The following TENM3 variants were observed in gnomAD, a reference collection of about 807,000 sequenced individuals.
TENM3 encodes teneurin transmembrane protein 3.
In TENM3, 63 loss-of-function variants were observed where a neutral mutation model predicts 255.1. The ratio of observed to expected loss-of-function variants is 0.25; its 90% CI spans 0.20 to 0.30. The LOEUF (loss-of-function observed/expected upper bound fraction) is 0.30. Among genes scored for constraint, TENM3 ranks in the 10% least tolerant of loss-of-function variants. TENM3 has a pLI of 1.00. For missense variants in TENM3, 2,929 were observed against 3,461.1 expected, an observed-to-expected ratio of 0.85 and a Z score of 3.86; for synonymous variants, 1,306 against 1,322.3, an observed-to-expected ratio of 0.99 and a Z score of 0.27.
At chr4:181,671,283 A>T in the TENM3 span, among the ~76,000 whole-genome samples, 1 of 152,300 alleles carries the variant, frequency 6.6e-6, no homozygotes, top group African/African-American at 2.4e-5. Context: ...CCATATATTA[A>T]ATACACATAA....
chr4:181,996,033 C>A, the TENM3 span, among the ~76,000 whole-genome samples: 1 of 151,940 alleles, frequency 6.6e-6, no homozygotes, highest in African/African-American at 2.4e-5. Context: ...AACTCAATAA[C>A]CCAGAGAAGA....
chr4:182,732,440 A>G (rs1376877737), intron 16 of TENM3, among the ~76,000 whole-genome samples: 1 of 152,224 alleles, frequency 6.6e-6, no homozygotes, highest in African/African-American at 2.4e-5. Flanking sequence ...CATTCGTTTC[A>G]TCTACTGAAA....
chr4:181,487,246 G>A, the TENM3 span, among the ~76,000 whole-genome samples: 1 of 152,238 alleles, frequency 6.6e-6, no homozygotes, highest in Non-Finnish European at 1.5e-5. Context: ...TAGATTGGCT[G>A]GTGGTTGGTT....
At chr4:181,614,767 A>T in the TENM3 span, among the ~76,000 whole-genome samples, 2 of 152,236 alleles carry the variant, frequency 1.3e-5, no homozygotes, top group Admixed American at 1.3e-4. Context: ...CCAGCTTTCT[A>T]GATGTCTGCA....
intron 13 of TENM3, among the ~76,000 whole-genome samples, chr4:182,714,621 T>A (rs1351761869): frequency 6.6e-6 from 1 of 152,220 alleles, no homozygotes; most frequent in Non-Finnish European, 1.5e-5. Flanking sequence ...CAGCCTCTTC[T>A]GTTGAAAGGC....
intron 22 of TENM3, among the ~76,000 whole-genome samples, chr4:182,764,830 A>G (rs529186159): frequency 1.3e-5 from 2 of 152,310 alleles, no homozygotes; most frequent in Admixed American, 6.5e-5. Flanking sequence ...GGAGTTTAAC[A>G]GGGACAGCAA....
chr4:182,067,619 T>G, the TENM3 span, among the ~76,000 whole-genome samples: 1 of 152,270 alleles, frequency 6.6e-6, no homozygotes, highest in African/African-American at 2.4e-5. Flanking sequence ...AGTGGGCTTT[T>G]AAGAGCTCTA....
chr4:182,031,150 T>C, the TENM3 span, among the ~76,000 whole-genome samples: 1 of 152,342 alleles, frequency 6.6e-6, no homozygotes, highest in East Asian at 1.9e-4. Context: ...CTGAATGGTA[T>C]TTCCCAGATT....
chr4:181,779,720 G>A, the TENM3 span, among the ~76,000 whole-genome samples: 10 of 152,158 alleles, frequency 6.6e-5, no homozygotes, highest in South Asian at 8.3e-4. Context: ...CGTGTGCCAT[G>A]TTGGTGTGCT....
chr4:181,812,932 C>T, the TENM3 span, among the ~76,000 whole-genome samples: 1 of 152,206 alleles, frequency 6.6e-6, no homozygotes, highest in Admixed American at 6.5e-5. Context: ...GGGGGAATAG[C>T]TGCCTCCTGA....
At chr4:181,987,266 C>T in the TENM3 span, among the ~76,000 whole-genome samples, 1 of 152,090 alleles carries the variant, frequency 6.6e-6, no homozygotes, top group Admixed American at 6.6e-5. Flanking sequence ...TTCCATCATC[C>T]CAAGCCCCTG....
chr4:182,337,054 A>G (rs1764188905), intron 2 of TENM3, among the ~76,000 whole-genome samples: 1 of 152,154 alleles, frequency 6.6e-6, no homozygotes, highest in African/African-American at 2.4e-5. Flanking sequence ...TCATTTTTCT[A>G]CACTACTCTT....
intron 3 of TENM3, among the ~76,000 whole-genome samples, chr4:182,471,613 T>C (rs868099492): frequency 5.5e-5 from 8 of 146,670 alleles, no homozygotes; most frequent in African/African-American, 7.4e-5. Context: ...TGAAATGTTA[T>C]GTGGCACATG....
At chr4:181,756,191 T>C in the TENM3 span, among the ~76,000 whole-genome samples, 1 of 152,148 alleles carries the variant, frequency 6.6e-6, no homozygotes, top group Admixed American at 6.6e-5. Context: ...ATATGCTTTG[T>C]CTAATGGAGA....
chr4:182,049,061 T>A, the TENM3 span, among the ~76,000 whole-genome samples: 1 of 151,800 alleles, frequency 6.6e-6, no homozygotes, highest in Non-Finnish European at 1.5e-5. Flanking sequence ...CATGGGGGAG[T>A]CAGGCAGCAG....
At chr4:181,816,061 G>A in the TENM3 span, among the ~76,000 whole-genome samples, 1 of 152,038 alleles carries the variant, frequency 6.6e-6, no homozygotes, top group Admixed American at 6.6e-5. Context: ...CTTTTGAGTT[G>A]GCAATGCCTG....
intron 26 of TENM3, among the ~76,000 whole-genome samples, chr4:182,795,106 A>G (rs1766405856): frequency 6.6e-6 from 1 of 152,022 alleles, no homozygotes. Flanking sequence ...CCCCCTGTTC[A>G]TTTCACATCT....
intron 5 of TENM3, among the ~76,000 whole-genome samples, chr4:182,632,739 A>C (rs796776895): frequency 6.6e-6 from 1 of 152,234 alleles, no homozygotes; most frequent in African/African-American, 2.4e-5. Context: ...AAGTCGTCAA[A>C]TGTATTTTTC....
chr4:181,718,564 G>GAATTCAGA, the TENM3 span, among the ~76,000 whole-genome samples: 1 of 152,156 alleles, frequency 6.6e-6, no homozygotes, highest in Non-Finnish European at 1.5e-5. Flanking sequence ...GCCAGGATTT[G>GAATTCAGA]AATTCAGAAT....
Sources: allele counts gnomAD v4.1 joint callset (sites outside exome capture counted in the v4.1 genomes callset), GRCh38; gene constraint gnomAD v4.1.1; transcripts MANE v1.5; gene names NCBI Gene and HGNC (gene_info 2026-07-23, HGNC 2026-07-21).